The following UACA variants were observed in gnomAD, a reference collection of about 807,000 sequenced individuals.
UACA encodes the protein uveal autoantigen with coiled-coil domains and ankyrin repeats, also known as nuclear membrane binding protein.
In UACA, 112 loss-of-function variants were observed where a neutral mutation model predicts 160.5. The ratio of observed to expected loss-of-function variants is 0.70; its 90% CI spans 0.60 to 0.82. UACA has a LOEUF of 0.82. Ranked by LOEUF, UACA falls within the 40% of genes least tolerant of loss-of-function variation. UACA has a pLI of 0.00. For synonymous variants in UACA, 557 were observed against 568.4 expected (o/e 0.98, Z 0.29); for missense variants, 1,574 against 1,614.6 (o/e 0.97, Z 0.43).
chr15:70,660,545 A>G (rs118080201), intron 17 of UACA: 150 of 247,262 alleles, frequency 6.1e-4, no homozygotes, highest in Non-Finnish European at 9.7e-4. Context: ...CTGTCTTACT[A>G]TCTCCACACT....
chr15:70,763,293 G>A, intron 1 of UACA, 37 bp downstream of exon 1: 1 of 1,318,758 alleles, frequency 7.6e-7, no homozygotes, highest in Non-Finnish European at 9.7e-7. Flanking sequence ...GCTGCTCCCG[G>A]AGCGGAGCGC....
chr15:70,763,212 C>T, intron 1 of UACA, 118 bp downstream of exon 1: 2 of 1,146,458 alleles, frequency 1.7e-6, no homozygotes, highest in East Asian at 3.2e-5. Context: ...TCGCCAGGGC[C>T]GCCGAAGCCG....
the UACA span, among the ~76,000 whole-genome samples, chr15:70,773,533 A>C: frequency 6.6e-5 from 10 of 152,294 alleles, no homozygotes; most frequent in African/African-American, 2.4e-4. Flanking sequence ...GTAGGAGTTA[A>C]GTCTTTGAGG....
At chr15:70,680,976 G>A (rs1452529827) in intron 9 of UACA, among the ~76,000 whole-genome samples, 3 of 152,076 alleles carry the variant, frequency 2.0e-5, no homozygotes, top group Admixed American at 1.3e-4. Flanking sequence ...TCCACGATGG[G>A]CACATCGCTC....
At chr15:70,751,235 C>T (rs982269380) in intron 1 of UACA, among the ~76,000 whole-genome samples, 4 of 152,184 alleles carry the variant, frequency 2.6e-5, no homozygotes, top group Non-Finnish European at 4.4e-5. Flanking sequence ...CTCATCCTCT[C>T]ACCCTGCAGT....
intron 1 of UACA, among the ~76,000 whole-genome samples, chr15:70,739,403 G>A (rs1899462777): frequency 6.6e-6 from 1 of 151,988 alleles, no homozygotes; most frequent in South Asian, 2.1e-4. Context: ...TCCAGACATT[G>A]CCAAATGTCT....
chr15:70,682,461 A>C (rs117996923), intron 9 of UACA, among the ~76,000 whole-genome samples: 5,973 of 152,242 alleles, frequency 0.039, 188 homozygotes, highest in Non-Finnish European at 0.063. Context: ...TCATTTAGCA[A>C]GTTACAATGT....
At chr15:70,676,013 C>T (rs565189457) in intron 13 of UACA, among the ~76,000 whole-genome samples, 1 of 152,238 alleles carries the variant, frequency 6.6e-6, no homozygotes, top group East Asian at 1.9e-4. Context: ...GCAGCATGAA[C>T]GGACTAAGGC....
At chr15:70,765,525 G>A (rs1336755505), upstream of UACA, among the ~76,000 whole-genome samples, 1 of 152,134 alleles carries the variant, frequency 6.6e-6, no homozygotes, top group East Asian at 1.9e-4. Flanking sequence ...CCTCTCATAT[G>A]ATACTAACAC....
At position 70,664,719 on chromosome 15, in the gene UACA, C is replaced by A. The variant is rs1896842303; in HGVS notation, c.4056G>T (p.Gln1352His). 1.2e-6 allele frequency: 2 copies of A among 1,613,588 alleles called. No homozygotes were observed. Among genetic ancestry groups the A allele is most frequent in the East Asian group, 2.2e-5 (1 of 44,844 alleles). ...TYTSGNPTKR[Q>H]SQLIDTLQHQ... ...GCTGCAGAGTGTCAATCAGCTGGCT[C>A]TGCCTCTTGGTGGGGTTCCCACTTG... The change falls in exon 17 of 19, where the codon CAG becomes CAT. Residue 1352 changes from glutamine (Q) to histidine (H), a missense_variant. Gln to His is a conservative substitution (Grantham distance 24). Coordinates refer to ENST00000322954, the MANE Select transcript of UACA (RefSeq NM_018003.4).
At chr15:70,686,868 T>C (rs1897743037) in intron 7 of UACA, among the ~76,000 whole-genome samples, 1 of 152,182 alleles carries the variant, frequency 6.6e-6, no homozygotes, top group South Asian at 2.1e-4. Context: ...TTTGTGACCA[T>C]AAACTTCAGA....
chr15:70,680,418 T>C (rs1897457258), intron 9 of UACA, among the ~76,000 whole-genome samples: 1 of 152,238 alleles, frequency 6.6e-6, no homozygotes, highest in African/African-American at 2.4e-5. Context: ...GCTTTAATTC[T>C]TCGAGATGAT....
chr15:70,726,141 C>T (rs922027301), intron 1 of UACA, among the ~76,000 whole-genome samples: 1 of 152,070 alleles, frequency 6.6e-6, no homozygotes, highest in South Asian at 2.1e-4. Flanking sequence ...AAGTATCCAG[C>T]CCCTAAACCA....
At chr15:70,679,853 C>G (rs17701350) in intron 9 of UACA, 177 bp from the exon 10 acceptor site, 1 of 372,358 alleles carries the variant, frequency 2.7e-6, no homozygotes, top group African/African-American at 2.1e-5. Context: ...ACCTTTAAGA[C>G]TATGTTTTAA....
At chr15:70,689,668 TG>T (rs1490756537) in intron 5 of UACA, among the ~76,000 whole-genome samples, 1 of 152,150 alleles carries the variant, frequency 6.6e-6, no homozygotes, top group Admixed American at 6.5e-5. Context: ...GAAAGTAGAC[TG>T]TTTTTTTTCC....
intron 1 of UACA, among the ~76,000 whole-genome samples, chr15:70,752,484 T>G (rs189530396): frequency 1.3e-4 from 20 of 152,204 alleles, no homozygotes; most frequent in Admixed American, 1.1e-3. Context: ...TTTTTAAAAG[T>G]GTAGAAAGCA....
At chr15:70,680,902 TC>T (rs1357685430) in intron 9 of UACA, among the ~76,000 whole-genome samples, 2 of 152,204 alleles carry the variant, frequency 1.3e-5, no homozygotes, top group African/African-American at 4.8e-5. Context: ...ATATCAATAG[TC>T]CTTATCATAC....
chr15:70,778,518 C>A, the UACA span, among the ~76,000 whole-genome samples: 2 of 152,242 alleles, frequency 1.3e-5, no homozygotes, highest in Non-Finnish European at 2.9e-5. Flanking sequence ...AGTCACATCT[C>A]TCTCTGACTC....
At chr15:70,671,280 A>G in intron 14 of UACA, 189 bp from the exon 15 acceptor site, 1 of 425,458 alleles carries the variant, frequency 2.4e-6, no homozygotes, top group Non-Finnish European at 4.3e-6. Flanking sequence ...CCTACAATCT[A>G]CTGAACAACA....
Sources: allele counts gnomAD v4.1 joint callset (sites outside exome capture counted in the v4.1 genomes callset), GRCh38; gene constraint gnomAD v4.1.1; transcripts MANE v1.5; gene names NCBI Gene and HGNC (gene_info 2026-07-23, HGNC 2026-07-21).